MTHFSD: variants seen among roughly 807,000 people sequenced by gnomAD.
The protein encoded by MTHFSD is methenyltetrahydrofolate synthetase domain containing.
Under a neutral mutation model 31.1 loss-of-function variants are expected in MTHFSD, and 37 were observed. The observed-to-expected ratio is 1.19, with a 90% CI of 0.91 to 1.56. The LOEUF is 1.56. MTHFSD is among the 40% of genes most tolerant of loss of function. The probability of loss-of-function intolerance (pLI) is 0.00; values close to 1 mark genes in which losing one functional copy is unlikely to be tolerated. For missense variants in MTHFSD, 664 were observed against 510.1 expected (o/e 1.30, Z -2.91); for synonymous variants, 221 against 206.9 (o/e 1.07, Z -0.59).
chr16:86,544,236 C>T (rs75484311), intron 5 of MTHFSD, among the ~76,000 whole-genome samples: 89 of 152,314 alleles, frequency 5.8e-4, no homozygotes, highest in Middle Eastern at 6.8e-3. Flanking sequence ...TTGGGGACCA[C>T]TGCTATAACA....
Position 86,531,134 on chromosome 16 carries a change from AT to A in MTHFSD, c.*876del, listed in dbSNP as rs1213968069. On this transcript the variant is annotated 3_prime_UTR_variant, in exon 8 of 8. Coordinates refer to ENST00000360900, the MANE Select transcript of MTHFSD (RefSeq NM_001159377.2). The surrounding 1 kb of genome is among the most constrained non-coding windows in gnomAD (Gnocchi z 5.5). ...AGCATATACATTTGAAAAAAACAAA[AT>A]CTCCACTTAAAAGCTTATTTTGACT... The A allele has an allele frequency of 1.6e-4, 24 of 152,320 alleles. No individual in the cohort carries two copies. The highest frequency in any genetic ancestry group is 5.8e-4 in the African/African-American group (24 of 41,582). 9.4% of individuals were successfully genotyped at this position (152,320 alleles called of 1,614,324 possible). A position where few individuals can be genotyped will look rare whatever the true frequency, so the allele number is the denominator to read the frequency against.
intron 7 of MTHFSD, among the ~76,000 whole-genome samples, chr16:86,534,139 GAA>G (rs1239074940): frequency 6.6e-6 from 1 of 152,198 alleles, no homozygotes; most frequent in African/African-American, 2.4e-5. Flanking sequence ...AGATACAAAG[GAA>G]AACAACTCAT....
At chr16:86,535,383 C>A in intron 7 of MTHFSD, 1 of 985,324 alleles carries the variant, frequency 1.0e-6, no homozygotes, top group Non-Finnish European at 1.2e-6. Context: ...CACGCCGATC[C>A]CTGCCACAGC....
chr16:86,554,881 G>T, intron 1 of MTHFSD, 130 bp from the exon 2 acceptor site: 1 of 1,058,748 alleles, frequency 9.4e-7, no homozygotes. Context: ...CTGAGCCTCA[G>T]TTTCCCCGAC....
intron 7 of MTHFSD, among the ~76,000 whole-genome samples, chr16:86,540,446 C>T (rs1405691198): frequency 6.6e-6 from 1 of 152,218 alleles, no homozygotes; most frequent in Non-Finnish European, 1.5e-5. Context: ...TTAAAATCTT[C>T]AGAATGTAAC....
intron 7 of MTHFSD, 72 bp from the exon 8 acceptor site, chr16:86,532,553 C>A (rs1184789156): frequency 2.5e-6 from 3 of 1,216,472 alleles, no homozygotes; most frequent in East Asian, 5.8e-5. Context: ...CGCATCCACA[C>A]CTCTGACTAC....
rs200703345 is a variant in MTHFSD, at chr16:86,532,894, A to AC, written c.682-414dup. ...GTCACAAAAGGCAGCTCCCCTAATG[A>AC]CCCCCCCAGAATAATGGGGAGCTGC... On this transcript the variant is annotated intron_variant, in intron 7 of 7. Transcript: ENST00000360900. 6.4e-3 allele frequency: 976 copies of AC among 153,328 alleles called. 15 individuals carry two copies. The highest frequency in any genetic ancestry group is 0.022 in the African/African-American group (927 of 41,284). 9.5% of individuals were successfully genotyped at this position (153,328 alleles called of 1,614,324 possible). A position where few individuals can be genotyped will look rare whatever the true frequency, so the allele number is the denominator to read the frequency against.
Position 86,555,117 on chromosome 16 carries a change from C to G in MTHFSD, c.16+52G>C, listed in dbSNP as rs1252807728. On this transcript the variant is annotated intron_variant, in intron 1 of 7. Transcript: ENST00000360900. ...GCCCCGCCTCGACCCTCACCGGTCC[C>G]GGCTGTCCCTCCCCATTCCCAGCCG... 1.4e-5 allele frequency: 21 copies of G among 1,529,248 alleles called. No individual in the cohort carries two copies. The African/African-American group carries it at 1.5e-4, about 11-fold the overall frequency. 94.7% of individuals were successfully genotyped at this position (1,529,248 alleles called of 1,614,324 possible). A position where few individuals can be genotyped will look rare whatever the true frequency, so the allele number is the denominator to read the frequency against.
In MTHFSD at chr16:86,548,525, T is replaced by TTA. The variant is rs1344546967; in HGVS notation, c.288_289dup (p.Asn97IlefsTer15). On this transcript the variant is annotated frameshift_variant, in exon 4 of 8. Coordinates refer to ENST00000360900, the MANE Select transcript of MTHFSD (RefSeq NM_001159377.2). LOFTEE classifies it high-confidence loss of function. ...TGCCCCAGGGGGTGGTGTGATCTTA[T>TTA]TAAACAATCCCGTTCTCAGTCGTGG... 1.1e-5 allele frequency: 18 copies of TTA among 1,613,750 alleles called. No homozygotes were observed. The highest frequency in any genetic ancestry group is 1.5e-5 in the Non-Finnish European group (18 of 1,179,976).
intron 2 of MTHFSD, among the ~76,000 whole-genome samples, chr16:86,554,351 T>C (rs1017903701): frequency 6.6e-6 from 1 of 152,168 alleles, no homozygotes; most frequent in Non-Finnish European, 1.5e-5. Flanking sequence ...TAACACTCAC[T>C]GCGAGGCTTC....
chr16:86,536,396 C>T (rs1215038718), intron 7 of MTHFSD, among the ~76,000 whole-genome samples: 1 of 152,208 alleles, frequency 6.6e-6, no homozygotes, highest in African/African-American at 2.4e-5. Flanking sequence ...TGCTGGCTCT[C>T]TAAGGGCAGA....
chr16:86,547,601 T>C, intron 4 of MTHFSD: 1 of 971,814 alleles, frequency 1.0e-6, no homozygotes, highest in African/African-American at 1.8e-5. Context: ...CATTTGTGAA[T>C]GCTGACCATC....
intron 7 of MTHFSD, among the ~76,000 whole-genome samples, chr16:86,537,424 T>G (rs1970861626): frequency 6.6e-6 from 1 of 152,182 alleles, no homozygotes; most frequent in Non-Finnish European, 1.5e-5. Context: ...ACCCCCATTT[T>G]AAGGCACTGC....
chr16:86,536,745 C>A (rs777591049), intron 7 of MTHFSD, among the ~76,000 whole-genome samples: 4 of 152,276 alleles, frequency 2.6e-5, no homozygotes, highest in African/African-American at 9.6e-5. Context: ...CACGCCTTGG[C>A]TCCTGCCTGG....
In MTHFSD at chr16:86,553,291, G is replaced by C. The variant is rs564604893; in HGVS notation, c.124-1145C>G. ...AGGTGACAGCGTGCTGGCAGCCCTC[G>C]GTCCCTCTCGGCGCCTCCTCGGCCT... On this transcript the variant is annotated intron_variant, in intron 2 of 7. Transcript: ENST00000360900. 4 of 152,432 alleles carry C rather than the reference G, an allele frequency of 2.6e-5. No homozygotes were observed. The East Asian group carries it at 5.8e-4, about 22-fold the overall frequency. The allele number at this position is 152,432 out of a possible 1,614,324, so 9.4% of individuals were successfully genotyped here.
intron 4 of MTHFSD, chr16:86,547,115 T>C: frequency 1.1e-6 from 1 of 945,632 alleles, no homozygotes; most frequent in Non-Finnish European, 1.3e-6. Flanking sequence ...ACAAAACGTA[T>C]GCATTTAGCA....
intron 1 of MTHFSD, 170 bp downstream of exon 1, chr16:86,554,999 G>A (rs1597395396): frequency 7.2e-7 from 1 of 1,383,742 alleles, no homozygotes; most frequent in Non-Finnish European, 9.5e-7. Context: ...CCGGGCGAGA[G>A]AGCCGCTGGT....
chr16:86,548,527 A>T lies in MTHFSD; in HGVS notation c.288T>A (p.Phe96Leu). 6.2e-7 allele frequency: 1 copy of T among 1,613,844 alleles called. No homozygotes were observed. Among genetic ancestry groups the T allele is most frequent in the South Asian group, 1.1e-5 (1 of 90,932 alleles). The part of the protein sequence containing the change: ...VPTPRLRTGL[F>L]NKITPPPGAT... ...CCCCAGGGGGTGGTGTGATCTTATTAAACAATCCCGTTCTCAGTCGTGGTG... is the reference window on the plus strand; with the variant it reads ...CCCCAGGGGGTGGTGTGATCTTATTTAACAATCCCGTTCTCAGTCGTGGTG... Residue 96 changes from phenylalanine to leucine, a missense_variant, in exon 4 of 8, where the codon TTT becomes TTA. Physicochemically the swap from Phe to Leu is conservative, Grantham distance 22. Coordinates refer to ENST00000360900, the MANE Select transcript of MTHFSD (RefSeq NM_001159377.2).
At chr16:86,554,863 T>G in intron 1 of MTHFSD, 112 bp from the exon 2 acceptor site, 1 of 1,079,170 alleles carries the variant, frequency 9.3e-7, no homozygotes, top group African/African-American at 1.6e-5. Context: ...CGGCTTCCGA[T>G]CCTGTTCCTG....
Sources: gnomAD v4.1 joint callset for allele counts (sites outside exome capture counted in the v4.1 genomes callset) on GRCh38, gnomAD v4.1.1 for gene constraint, Gnocchi (gnomAD v3.1) non-coding constraint, MANE v1.5 for transcripts, NCBI Gene and HGNC (gene_info 2026-07-23, HGNC 2026-07-21) for gene names.